Variants in RARB observed in about 807,000 individuals in gnomAD.
RARB encodes the protein retinoic acid receptor beta.
Under a neutral mutation model 51.9 loss-of-function variants are expected in RARB, and 17 were observed. The ratio of observed to expected loss-of-function variants is 0.33; its 90% CI spans 0.22 to 0.49. The LOEUF (loss-of-function observed/expected upper bound fraction) is 0.49. Ranked by LOEUF, RARB falls within the 20% of genes least tolerant of loss-of-function variation. RARB has a pLI of 0.99. For synonymous variants in RARB, 215 were observed against 195.4 expected (o/e 1.10, Z -0.84); for missense variants, 369 against 550.8 (o/e 0.67, Z 3.30).
At chr3:25,152,260 A>G (rs1433313007) in intron 4 of RARB, among the ~76,000 whole-genome samples, 3 of 152,058 alleles carry the variant, frequency 2.0e-5, no homozygotes, top group African/African-American at 7.2e-5. Context: ...TGTGCTTTCA[A>G]CTCACTTGTC....
At chr3:25,051,014 A>G (rs1229180756) in intron 2 of RARB, among the ~76,000 whole-genome samples, 2 of 151,614 alleles carry the variant, frequency 1.3e-5, no homozygotes, top group Admixed American at 6.6e-5. Context: ...CTCATCTCTC[A>G]CTCTCTTTAA....
chr3:25,155,687 C>T (rs888187594), intron 4 of RARB, among the ~76,000 whole-genome samples: 3 of 152,210 alleles, frequency 2.0e-5, no homozygotes, highest in Middle Eastern at 3.4e-3. Flanking sequence ...AGCTACAATT[C>T]CTCTTGATTT....
rs548121056 is a variant in RARB at position 25,200,845 on chromosome 3, C to G, written c.178+26270C>G. ...TACCATACTGTTTTGGTTACTGTAG[C>G]CTTGTAGTATAGTTTGAAGTCAGGT... On this transcript the variant is annotated intron_variant, in intron 5 of 11. Transcript: ENST00000383772. Among the ~76,000 whole-genome samples, 18 of 152,124 alleles carry G rather than the reference C, an allele frequency of 1.2e-4. No homozygotes were observed. In the South Asian group the frequency reaches 3.5e-3, roughly 30 times the overall value.
intron 5 of RARB, among the ~76,000 whole-genome samples, chr3:25,213,644 C>A (rs2125379891): frequency 6.6e-6 from 1 of 152,240 alleles, no homozygotes; most frequent in Admixed American, 6.5e-5. Flanking sequence ...GAACAATTTC[C>A]TTAAGCCCAA....
chr3:24,967,430 GT>G (rs1245965860), intron 2 of RARB, among the ~76,000 whole-genome samples: 1 of 152,060 alleles, frequency 6.6e-6, no homozygotes, highest in Non-Finnish European at 1.5e-5. Context: ...TTGTAAATTT[GT>G]CTCCTCAACT....
At chr3:25,486,841 C>T (rs912245276) in intron 2 of RARB, among the ~76,000 whole-genome samples, 5 of 152,180 alleles carry the variant, frequency 3.3e-5, no homozygotes, top group African/African-American at 4.8e-5. Flanking sequence ...CCTTGTATCC[C>T]TCTGTATAAT....
intron 5 of RARB, among the ~76,000 whole-genome samples, chr3:25,330,661 C>T (rs1704864263): frequency 6.6e-6 from 1 of 152,068 alleles, no homozygotes; most frequent in Admixed American, 6.5e-5. Flanking sequence ...TCACACATAA[C>T]AATACTAACC....
intron 3 of RARB, among the ~76,000 whole-genome samples, chr3:25,512,885 C>G (rs1210845681): frequency 1.3e-5 from 2 of 152,130 alleles, no homozygotes; most frequent in Non-Finnish European, 2.9e-5. Flanking sequence ...CAGAAGGTCC[C>G]TCACTGGCTG....
intron 5 of RARB, among the ~76,000 whole-genome samples, chr3:25,235,170 T>G (rs150028987): frequency 3.8e-4 from 58 of 152,258 alleles, no homozygotes; most frequent in Admixed American, 7.8e-4. Flanking sequence ...TCTTCAAGTT[T>G]TTACTTCCTT....
chr3:25,500,411 A>G (rs1291603680), intron 2 of RARB, among the ~76,000 whole-genome samples: 4 of 149,520 alleles, frequency 2.7e-5, no homozygotes, highest in African/African-American at 9.9e-5. Flanking sequence ...TGAAAAAACT[A>G]ACTCTTGCAT....
At chr3:24,897,199 A>G (rs1703495422) in intron 2 of RARB, among the ~76,000 whole-genome samples, 1 of 152,314 alleles carries the variant, frequency 6.6e-6, no homozygotes, top group East Asian at 1.9e-4. Flanking sequence ...CTATCATTTC[A>G]TAATTTCTAA....
chr3:25,471,961 G>T (rs921935408), intron 2 of RARB, among the ~76,000 whole-genome samples: 1 of 152,042 alleles, frequency 6.6e-6, no homozygotes, highest in Non-Finnish European at 1.5e-5. Context: ...TCAGGGCAGG[G>T]CTCAGAGCCC....
chr3:25,518,451 T>C (rs1698268170), intron 3 of RARB, among the ~76,000 whole-genome samples: 1 of 152,114 alleles, frequency 6.6e-6, no homozygotes, highest in Non-Finnish European at 1.5e-5. Context: ...ATTTAGGATG[T>C]CCTTGACATT....
intron 1 of RARB, among the ~76,000 whole-genome samples, chr3:24,841,865 A>G (rs1376033281): frequency 1.3e-5 from 2 of 152,216 alleles, no homozygotes; most frequent in Non-Finnish European, 2.9e-5. Flanking sequence ...AATGCTATTT[A>G]GTGAACTTTA....
chr3:25,462,236 T>G (rs1695223588), intron 2 of RARB: 1 of 152,248 alleles, frequency 6.6e-6, no homozygotes, highest in African/African-American at 2.4e-5. Context: ...ATGGCTGCTT[T>G]GAATCAAGCA....
At chr3:25,217,432 T>C (rs1701858299) in intron 5 of RARB, among the ~76,000 whole-genome samples, 1 of 152,070 alleles carries the variant, frequency 6.6e-6, no homozygotes, top group Non-Finnish European at 1.5e-5. Context: ...ATATTATGCC[T>C]GTATAGCCAT....
At chr3:25,566,845 G>A (rs1342148209) in intron 3 of RARB, among the ~76,000 whole-genome samples, 1 of 152,194 alleles carries the variant, frequency 6.6e-6, no homozygotes, top group Non-Finnish European at 1.5e-5. Flanking sequence ...TTCTCTTTCT[G>A]CACATTGGGT....
At chr3:25,188,755 A>T (rs917969047) in intron 5 of RARB, among the ~76,000 whole-genome samples, 6 of 10,316 alleles carry the variant, frequency 5.8e-4, no homozygotes, top group African/African-American at 4.5e-3. Context: ...TTTTACCCAC[A>T]ATAGATAATA....
Position 25,056,293 on chromosome 3 carries a change from A to G in RARB, c.-379-3832A>G, listed in dbSNP as rs1017666924. The stretch of plus-strand genomic sequence containing the variant: ...GCTTCCAAATGGCTGGGTGTAGCAC[A>G]TCAGGGGAGGGAAAAGCTTCTGGAA... On this transcript the variant is annotated intron_variant, in intron 2 of 11. Transcript: ENST00000383772. Among the ~76,000 whole-genome samples, 7 of 152,260 alleles carry G rather than the reference A, an allele frequency of 4.6e-5. No homozygotes were observed. In the East Asian group the frequency reaches 1.4e-3, roughly 29 times the overall value.
Sources: allele counts gnomAD v4.1 joint callset (sites outside exome capture counted in the v4.1 genomes callset), GRCh38; gene constraint gnomAD v4.1.1; transcripts MANE v1.5; gene names NCBI Gene and HGNC (gene_info 2026-07-23, HGNC 2026-07-21).